The following ADGRB3 variants were observed in gnomAD, a reference collection of about 807,000 sequenced individuals.
ADGRB3 encodes adhesion G protein-coupled receptor B3.
In ADGRB3, 37 loss-of-function variants were observed where a neutral mutation model predicts 193.4. The observed-to-expected ratio is 0.19, with a 90% confidence interval of 0.15 to 0.25. The LOEUF is 0.25. Among genes scored for constraint, ADGRB3 ranks in the 10% least tolerant of loss-of-function variants. ADGRB3 has a pLI of 1.00. For synonymous variants in ADGRB3, 690 were observed against 644.2 expected, an observed-to-expected ratio of 1.07 and a Z score of -1.08; for missense variants, 1,637 against 1,852.9, an observed-to-expected ratio of 0.88 and a Z score of 2.14.
intron 3 of ADGRB3, among the ~76,000 whole-genome samples, chr6:68,827,165 G>T (rs1162025578): frequency 6.6e-6 from 1 of 152,126 alleles, no homozygotes. Context: ...AAGCCAGAAA[G>T]GCAGATTGAT....
chr6:68,690,928 A>C lies in ADGRB3; in HGVS notation c.757+51496A>C, dbSNP rs1044096957. ...AGGAAAGGAAAAGACTATACAAATA[A>C]CTTTTAAGGAATTCTAATAATCATT... On this transcript the variant is annotated intron_variant, in intron 3 of 31. Coordinates refer to ENST00000370598, the MANE Select transcript of ADGRB3 (RefSeq NM_001704.3). Among the ~76,000 whole-genome samples the C allele has an allele frequency of 2.6e-5, 4 of 152,144 alleles. 1 individual carries two copies. Among genetic ancestry groups the C allele is most frequent in the African/African-American group, 9.7e-5 (4 of 41,448 alleles).
At chr6:69,232,911 C>T (rs144304222) in intron 17 of ADGRB3, 2 of 490,774 alleles carry the variant, frequency 4.1e-6, no homozygotes, top group African/African-American at 1.9e-5. Context: ...TATGAAAAGC[C>T]TCTTTACACC....
At chr6:68,825,567 C>T (rs1424958123) in intron 3 of ADGRB3, among the ~76,000 whole-genome samples, 1 of 152,214 alleles carries the variant, frequency 6.6e-6, no homozygotes, top group African/African-American at 2.4e-5. Context: ...CGTGTCCCCA[C>T]CCAGATCTCA....
intron 20 of ADGRB3, among the ~76,000 whole-genome samples, chr6:69,276,172 A>C (rs1273212515): frequency 6.6e-6 from 1 of 152,220 alleles, no homozygotes; most frequent in Non-Finnish European, 1.5e-5. Flanking sequence ...GAATTCTACA[A>C]CATCTGGAAT....
intron 20 of ADGRB3, among the ~76,000 whole-genome samples, chr6:69,302,377 G>C (rs1044712531): frequency 2.0e-5 from 3 of 151,830 alleles, no homozygotes; most frequent in African/African-American, 7.3e-5. Context: ...TAGAGAATGA[G>C]AACATTTTTT....
chr6:69,203,012 T>C (rs1765462115), intron 17 of ADGRB3, among the ~76,000 whole-genome samples: 1 of 152,022 alleles, frequency 6.6e-6, no homozygotes, highest in South Asian at 2.1e-4. Flanking sequence ...AAATATTATG[T>C]GAAAATTAAA....
intron 3 of ADGRB3, among the ~76,000 whole-genome samples, chr6:68,682,026 C>T (rs577164589): frequency 4.2e-4 from 64 of 152,300 alleles, no homozygotes; most frequent in African/African-American, 1.5e-3. Flanking sequence ...GGAGGTTCCA[C>T]TGTCATGGTT....
chr6:68,739,919 A>T lies in ADGRB3; in HGVS notation c.757+100487A>T, dbSNP rs140354246. Among the ~76,000 whole-genome samples the T allele has an allele frequency of 2.0e-4, 31 of 152,236 alleles. No homozygotes were observed. The East Asian group carries it at 6.0e-3, about 29-fold the overall frequency. On this transcript the variant is annotated intron_variant, in intron 3 of 31. Transcript: ENST00000370598. ...TTTTTGTTTAACTTTGTGTACTATT[A>T]GTATCGAAAGGTTGTAGCTTGTTAA...
At chr6:69,261,844 G>T (rs1323373214) in intron 20 of ADGRB3, among the ~76,000 whole-genome samples, 1 of 151,960 alleles carries the variant, frequency 6.6e-6, no homozygotes, top group African/African-American at 2.4e-5. Context: ...GGTTCGTTAA[G>T]AATTCCAATG....
intron 3 of ADGRB3, among the ~76,000 whole-genome samples, chr6:68,904,467 A>G (rs992310375): frequency 1.3e-5 from 2 of 152,154 alleles, no homozygotes; most frequent in African/African-American, 4.8e-5. Context: ...TGGCTTTGCT[A>G]CAAAGACGTA....
chr6:68,980,564 T>G (rs958488804), intron 10 of ADGRB3, among the ~76,000 whole-genome samples: 1 of 151,558 alleles, frequency 6.6e-6, no homozygotes, highest in African/African-American at 2.4e-5. Flanking sequence ...TTCAGCTTAT[T>G]TGGGGGAAGA....
chr6:69,156,770 G>A (rs771021841), intron 17 of ADGRB3, among the ~76,000 whole-genome samples: 6 of 152,138 alleles, frequency 3.9e-5, no homozygotes, highest in African/African-American at 7.2e-5. Flanking sequence ...TTTTGCTAAA[G>A]CTACACCAGC....
intron 3 of ADGRB3, among the ~76,000 whole-genome samples, chr6:68,789,697 C>T (rs1178851422): frequency 6.6e-6 from 1 of 152,122 alleles, no homozygotes; most frequent in South Asian, 2.1e-4. Context: ...TGAATGTTGG[C>T]CTGCCTTGCT....
At chr6:69,089,718 G>A (rs557298610) in intron 17 of ADGRB3, among the ~76,000 whole-genome samples, 8 of 152,310 alleles carry the variant, frequency 5.3e-5, no homozygotes, top group Non-Finnish European at 1.0e-4. Context: ...CTGAGATAAT[G>A]CTGCTGCCCT....
intron 17 of ADGRB3, among the ~76,000 whole-genome samples, chr6:69,108,833 G>A (rs1264727374): frequency 2.6e-5 from 4 of 152,152 alleles, no homozygotes; most frequent in African/African-American, 7.2e-5. Flanking sequence ...GGCATGCAAT[G>A]GGATGTGAAA....
intron 3 of ADGRB3, among the ~76,000 whole-genome samples, chr6:68,717,008 A>G (rs1422002788): frequency 1.3e-5 from 2 of 151,636 alleles, no homozygotes; most frequent in African/African-American, 4.8e-5. Flanking sequence ...TTCATTTCTC[A>G]CGTAGGAGCT....
chr6:69,091,009 C>T (rs1182602872), intron 17 of ADGRB3, among the ~76,000 whole-genome samples: 1 of 152,140 alleles, frequency 6.6e-6, no homozygotes, highest in Non-Finnish European at 1.5e-5. Flanking sequence ...TCTAAAAAGA[C>T]ATACATGCAG....
chr6:69,085,596 A>G (rs1362888657), intron 17 of ADGRB3, among the ~76,000 whole-genome samples: 2 of 151,872 alleles, frequency 1.3e-5, no homozygotes, highest in African/African-American at 4.8e-5. Context: ...TAGCTTTTAT[A>G]AACAAAAGAC....
chr6:68,917,052 C>T (rs1399901840), intron 3 of ADGRB3, among the ~76,000 whole-genome samples: 1 of 152,056 alleles, frequency 6.6e-6, no homozygotes, highest in African/African-American at 2.4e-5. Flanking sequence ...TTACATTGGT[C>T]CAAGTGATAG....
Sources: gnomAD v4.1 joint callset for allele counts (sites outside exome capture counted in the v4.1 genomes callset) on GRCh38, gnomAD v4.1.1 for gene constraint, MANE v1.5 for transcripts, NCBI Gene and HGNC (gene_info 2026-07-23, HGNC 2026-07-21) for gene names.